PRKAR1B: variants seen among roughly 807,000 people sequenced by gnomAD.
PRKAR1B encodes the protein cAMP-dependent protein kinase type I-beta regulatory subunit.
PRKAR1B carries 22 observed loss-of-function variants against 46.5 expected under a neutral mutation model. The observed-to-expected ratio is 0.47, with a 90% CI of 0.34 to 0.68. The LOEUF (loss-of-function observed/expected upper bound fraction) is 0.68, where lower values mean the gene tolerates loss of function less well. PRKAR1B is among the 30% of genes least tolerant of loss of function. The probability of loss-of-function intolerance (pLI) is 0.01; values close to 1 mark genes in which losing one functional copy is unlikely to be tolerated. For missense variants in PRKAR1B, 445 were observed against 535.6 expected (o/e 0.83, Z 1.67); for synonymous variants, 259 against 217.7 (o/e 1.19, Z -1.67).
rs1159377371 is a variant in PRKAR1B, at chr7:681,323, T to TAAA, written c.178-600_178-598dup. On this transcript the variant is annotated intron_variant, in intron 2 of 10. Coordinates refer to ENST00000537384, the MANE Select transcript of PRKAR1B (RefSeq NM_001164760.2). ...AATGGACTAATACACCCTGTCTCTA[T>TAAA]AAAAAAAAAAAAAAAAAGAATTAGC... Among the ~76,000 whole-genome samples the TAAA allele has an allele frequency of 3.4e-3, 393 of 114,278 alleles. 2 individuals carry two copies. Among genetic ancestry groups the TAAA allele is most frequent in the African/African-American group, 0.012 (363 of 30,928 alleles). The allele number at this position is 114,278 out of a possible 152,430, so 75.0% of individuals were successfully genotyped here. A position where few individuals can be genotyped will look rare whatever the true frequency, so the allele number is the denominator to read the frequency against.
At chr7:722,096 CTTTTTTTTTTTT>C (rs147399956) in intron 1 of PRKAR1B, among the ~76,000 whole-genome samples, 4 of 92,352 alleles carry the variant, frequency 4.3e-5, no homozygotes, top group South Asian at 4.3e-4. Context: ...AGTTTTCAGC[CTTTTTTTTTTTT>C]TTTTTTTTTT....
At chr7:610,381 C>G (rs567045013) in intron 4 of PRKAR1B, among the ~76,000 whole-genome samples, 45 of 152,310 alleles carry the variant, frequency 3.0e-4, no homozygotes, top group African/African-American at 1.1e-3. Flanking sequence ...TCAGAGCAGC[C>G]CCTCCTGGAG....
intron 2 of PRKAR1B, among the ~76,000 whole-genome samples, chr7:688,895 C>A (rs1174435569): frequency 4.6e-5 from 7 of 152,142 alleles, no homozygotes; most frequent in African/African-American, 1.7e-4. Context: ...TAAAACAGCG[C>A]CTGCATACAG....
intron 4 of PRKAR1B, among the ~76,000 whole-genome samples, chr7:658,695 G>A (rs1352297609): frequency 6.6e-6 from 1 of 152,080 alleles, no homozygotes; most frequent in African/African-American, 2.4e-5. Context: ...CTGTTGCCCA[G>A]GCTGGAGTGC....
At position 629,388 on chromosome 7, in the gene PRKAR1B, G is replaced by A. The variant is rs574262208; in HGVS notation, c.441-21936C>T. Among the ~76,000 whole-genome samples, 3 of 132,510 alleles carry A rather than the reference G, an allele frequency of 2.3e-5. 1 individual carries two copies. The highest frequency in any genetic ancestry group is 7.6e-5 in the Admixed American group (1 of 13,140). 86.9% of individuals were successfully genotyped at this position (132,510 alleles called of 152,430 possible). On this transcript the variant is annotated intron_variant, in intron 4 of 10. Transcript: ENST00000537384. Reference sequence around the variant, plus strand: ...GAAAATGCTGCAGAAGCGGGACCACGGCCTCCGAGGGCGCCACCACCCCAA... The same window carrying A: ...GAAAATGCTGCAGAAGCGGGACCACAGCCTCCGAGGGCGCCACCACCCCAA...
chr7:659,277 G>T, intron 4 of PRKAR1B, among the ~76,000 whole-genome samples: 1 of 152,212 alleles, frequency 6.6e-6, no homozygotes, highest in South Asian at 2.1e-4. Flanking sequence ...ACGGTAGGGG[G>T]TGGTCTGTGT....
At chr7:573,351 C>T (rs1779634805) in intron 9 of PRKAR1B, among the ~76,000 whole-genome samples, 1 of 152,120 alleles carries the variant, frequency 6.6e-6, no homozygotes, top group Non-Finnish European at 1.5e-5. Context: ...GACCCCCACA[C>T]ACTCTGTCAG....
At chr7:723,297 C>T (rs759023958) in intron 1 of PRKAR1B, among the ~76,000 whole-genome samples, 2 of 152,302 alleles carry the variant, frequency 1.3e-5, no homozygotes, top group East Asian at 1.9e-4. Context: ...CTCTGTTGGG[C>T]GTCCCCTTTC....
intron 8 of PRKAR1B, among the ~76,000 whole-genome samples, chr7:583,478 C>T (rs367806493): frequency 8.2e-6 from 1 of 121,698 alleles, no homozygotes; most frequent in South Asian, 2.3e-4. Context: ...CACTCACACC[C>T]ACGCACACAC....
intron 4 of PRKAR1B, among the ~76,000 whole-genome samples, chr7:655,965 T>C (rs1471109733): frequency 6.6e-6 from 1 of 152,166 alleles, no homozygotes; most frequent in South Asian, 2.1e-4. Context: ...CGTAAGTGGT[T>C]GGGTTTCTCA....
intron 4 of PRKAR1B, among the ~76,000 whole-genome samples, chr7:621,367 T>C (rs1783100245): frequency 6.6e-6 from 1 of 152,192 alleles, no homozygotes; most frequent in Non-Finnish European, 1.5e-5. Flanking sequence ...TTCAAAATCA[T>C]CTCCCAATAT....
At chr7:703,655 CA>C (rs201241648) in intron 2 of PRKAR1B, among the ~76,000 whole-genome samples, 1,364 of 119,508 alleles carry the variant, frequency 0.011, 12 homozygotes, top group African/African-American at 0.029. Context: ...GACTCTGTCT[CA>C]AAAAAAAAAA....
intron 4 of PRKAR1B, among the ~76,000 whole-genome samples, chr7:621,889 G>C (rs1460253251): frequency 6.6e-6 from 1 of 152,220 alleles, no homozygotes; most frequent in African/African-American, 2.4e-5. Flanking sequence ...ACGGTCAGCA[G>C]CTGCTGCCAT....
chr7:639,577 T>C (rs1459840718), intron 4 of PRKAR1B, among the ~76,000 whole-genome samples: 1 of 152,186 alleles, frequency 6.6e-6, no homozygotes, highest in African/African-American at 2.4e-5. Context: ...CTGCCAGGCA[T>C]ACTGGCTCAC....
chr7:642,811 G>T lies in PRKAR1B; in HGVS notation c.440+34418C>A, dbSNP rs138643827. Among the ~76,000 whole-genome samples, 4 of 151,396 alleles carry T rather than the reference G, an allele frequency of 2.6e-5. No homozygotes were observed. The South Asian group carries it at 8.4e-4, about 32-fold the overall frequency. ...AGTCAACCCCATTTCCTAAAAACTAGCTGGTTTATCAGGCAGCACACTCGG... is the reference window on the plus strand; with the variant it reads ...AGTCAACCCCATTTCCTAAAAACTATCTGGTTTATCAGGCAGCACACTCGG... On this transcript the variant is annotated intron_variant, in intron 4 of 10. Coordinates refer to ENST00000537384, the MANE Select transcript of PRKAR1B (RefSeq NM_001164760.2).
intron 4 of PRKAR1B, among the ~76,000 whole-genome samples, chr7:658,756 T>G (rs980954219): frequency 6.6e-6 from 1 of 152,154 alleles, no homozygotes; most frequent in African/African-American, 2.4e-5. Flanking sequence ...GTTCAAGTGA[T>G]TCTCCTGCCT....
At chr7:706,202 G>C (rs954389057) in intron 2 of PRKAR1B, among the ~76,000 whole-genome samples, 2 of 151,742 alleles carry the variant, frequency 1.3e-5, no homozygotes, top group South Asian at 4.2e-4. Flanking sequence ...GGTGGGCACC[G>C]GTACTCCCAG....
In PRKAR1B at chr7:584,668, T is replaced by G. The variant is rs1186083229; in HGVS notation, c.709-100A>C. 3 of 1,036,854 alleles carry G rather than the reference T, an allele frequency of 2.9e-6. No individual in the cohort carries two copies. In the East Asian group the frequency reaches 7.6e-5, roughly 26 times the overall value. 64.2% of individuals were successfully genotyped at this position (1,036,854 alleles called of 1,614,324 possible). ...CCCCAAATGACTCTCAACTTTTAAA[T>G]GAGACCCTCCAAGCATTCCAAGTCC... On this transcript the variant is annotated intron_variant, in intron 7 of 10. Coordinates refer to ENST00000537384, the MANE Select transcript of PRKAR1B (RefSeq NM_001164760.2).
At chr7:567,483 T>TCCA (rs1402140781) in intron 9 of PRKAR1B, among the ~76,000 whole-genome samples, 66 of 102,636 alleles carry the variant, frequency 6.4e-4, no homozygotes, top group African/African-American at 2.4e-3. Flanking sequence ...CACCATCACC[T>TCCA]TCATCACCAT....
Sources: allele counts gnomAD v4.1 joint callset (sites outside exome capture counted in the v4.1 genomes callset), GRCh38; gene constraint gnomAD v4.1.1; transcripts MANE v1.5; gene names NCBI Gene and HGNC (gene_info 2026-07-23, HGNC 2026-07-21).